The following COL25A1 variants were observed in gnomAD, a reference collection of about 807,000 sequenced individuals.
The protein encoded by COL25A1 is collagen alpha-1(XXV) chain.
A neutral mutation model predicts 128.4 loss-of-function variants in COL25A1; 103 were observed. That is an observed-to-expected ratio of 0.80 (90% CI 0.68 to 0.94). COL25A1 has a LOEUF of 0.94. Among genes scored for constraint, COL25A1 ranks in the 40% least tolerant of loss-of-function variants. COL25A1 has a pLI of 0.00. For missense variants in COL25A1, 745 were observed against 840.0 expected (o/e 0.89, Z 1.40); for synonymous variants, 279 against 277.2 (o/e 1.01, Z -0.06).
At chr4:108,984,468 G>A (rs1327426926) in intron 6 of COL25A1, among the ~76,000 whole-genome samples, 2 of 151,796 alleles carry the variant, frequency 1.3e-5, no homozygotes, top group Non-Finnish European at 2.9e-5. Context: ...GGCTCCCGCC[G>A]CACAGGAGAC....
chr4:108,892,221 G>A (rs1449824355), intron 16 of COL25A1, among the ~76,000 whole-genome samples: 2 of 152,144 alleles, frequency 1.3e-5, no homozygotes, highest in Admixed American at 6.5e-5. Flanking sequence ...AGCTTCATAA[G>A]TCAGTTGGCT....
intron 32 of COL25A1, among the ~76,000 whole-genome samples, chr4:108,828,684 T>G (rs1732680607): frequency 6.6e-6 from 1 of 152,228 alleles, no homozygotes; most frequent in Non-Finnish European, 1.5e-5. Context: ...ATCTCCAAAT[T>G]GAAGTGTTTG....
intron 3 of COL25A1, among the ~76,000 whole-genome samples, chr4:109,236,864 T>C (rs202088841): frequency 6.6e-6 from 1 of 152,164 alleles, no homozygotes; most frequent in South Asian, 2.1e-4. Flanking sequence ...GGAATTGATA[T>C]GCAAAATAGC....
At chr4:108,845,159 A>G (rs748877451) in intron 29 of COL25A1, 30 bp downstream of exon 29, 17 of 1,591,248 alleles carry the variant, frequency 1.1e-5, no homozygotes, top group Non-Finnish European at 1.4e-5. Flanking sequence ...AGGTTCAGGA[A>G]CAATGGAAGT....
intron 3 of COL25A1, among the ~76,000 whole-genome samples, chr4:109,152,468 A>G (rs1215603773): frequency 6.6e-6 from 1 of 152,246 alleles, no homozygotes; most frequent in Non-Finnish European, 1.5e-5. Flanking sequence ...GATAATATTA[A>G]AAATACCAGT....
At chr4:109,201,996 T>G (rs968817460) in intron 3 of COL25A1, among the ~76,000 whole-genome samples, 1 of 152,114 alleles carries the variant, frequency 6.6e-6, no homozygotes, top group Non-Finnish European at 1.5e-5. Context: ...TGGAGAGATA[T>G]TTCATGCTCC....
At chr4:109,105,078 A>T (rs374725569) in intron 3 of COL25A1, among the ~76,000 whole-genome samples, 1 of 152,168 alleles carries the variant, frequency 6.6e-6, no homozygotes, top group African/African-American at 2.4e-5. Context: ...GGGTAGGAAT[A>T]GGTGCCTTAT....
chr4:109,210,459 T>C (rs1485711150), intron 3 of COL25A1, among the ~76,000 whole-genome samples: 5 of 152,184 alleles, frequency 3.3e-5, no homozygotes, highest in African/African-American at 1.2e-4. Flanking sequence ...GAATGCAGTC[T>C]ACCTGTAAGA....
rs757985605 is a variant in COL25A1 at position 108,941,454 on chromosome 4, G to A, written c.493-17C>T. Reference sequence around the variant, plus strand: ...AAACACCATCTGATCAGTCAGTTGAGGTCAAAGGTTGAAGTTCAGAGATGA... The same window carrying A: ...AAACACCATCTGATCAGTCAGTTGAAGTCAAAGGTTGAAGTTCAGAGATGA... On this transcript the variant is annotated splice_polypyrimidine_tract_variant and intron_variant, in intron 8 of 37. Transcript: ENST00000399132. 2 of 1,606,636 alleles carry A rather than the reference G, an allele frequency of 1.2e-6. No homozygotes were observed. The highest frequency in any genetic ancestry group is 1.7e-6 in the Non-Finnish European group (2 of 1,173,330).
In COL25A1 at chr4:109,152,742, C is replaced by T. The variant is rs146594340; in HGVS notation, c.368-102563G>A. Among the ~76,000 whole-genome samples the T allele has an allele frequency of 1.7e-3, 254 of 152,192 alleles. 3 individuals carry two copies. The highest frequency in any genetic ancestry group is 5.6e-3 in the African/African-American group (233 of 41,536). ...AACACAGATGAAACTTAAAGACATA[C>T]GGCTAAGTAAAATAAGCCAATCACA... On this transcript the variant is annotated intron_variant, in intron 3 of 37. Coordinates refer to ENST00000399132, the MANE Select transcript of COL25A1 (RefSeq NM_198721.4).
intron 3 of COL25A1, among the ~76,000 whole-genome samples, chr4:109,283,869 C>A (rs1379466666): frequency 6.6e-6 from 1 of 152,190 alleles, no homozygotes; most frequent in Non-Finnish European, 1.5e-5. Flanking sequence ...CAAACTACTT[C>A]CTTCCAAATA....
intron 3 of COL25A1, among the ~76,000 whole-genome samples, chr4:109,056,638 T>TAA (rs66921470): frequency 0.18 from 26,825 of 148,530 alleles, 2,603 homozygotes; most frequent in African/African-American, 0.26. Context: ...ACAAAAAGAT[T>TAA]AAAAAAAAAA....
chr4:108,956,551 G>A (rs1408540936), intron 8 of COL25A1, among the ~76,000 whole-genome samples: 1 of 152,102 alleles, frequency 6.6e-6, no homozygotes, highest in African/African-American at 2.4e-5. Context: ...GATTACAGGT[G>A]CGTGCCACGG....
In COL25A1 at chr4:109,254,501, A is replaced by G. The variant is rs1251640480; in HGVS notation, c.367+46082T>C. On this transcript the variant is annotated intron_variant, in intron 3 of 37. Coordinates refer to ENST00000399132, the MANE Select transcript of COL25A1 (RefSeq NM_198721.4). ...TATATATATATATATATATATATAT[A>G]TATATGTATGTGTGTATATACATAT... Among the ~76,000 whole-genome samples, 17 of 126,724 alleles carry G rather than the reference A, an allele frequency of 1.3e-4. 1 individual carries two copies. Among genetic ancestry groups the G allele is most frequent in the South Asian group, 5.1e-4 (2 of 3,930 alleles). The allele number at this position is 126,724 out of a possible 152,430, so 83.1% of individuals were successfully genotyped here. A position where few individuals can be genotyped will look rare whatever the true frequency, so the allele number is the denominator to read the frequency against.
At position 108,984,515 on chromosome 4, in the gene COL25A1, G is replaced by C. The variant is rs1331058369; in HGVS notation, c.439-9956C>G. ...CGGGAGGGAGGCTCACGCATGGCGG[G>C]CTGCAGGTCCCGAGCCCTGCCCCGC... On this transcript the variant is annotated intron_variant, in intron 6 of 37. Transcript: ENST00000399132. 2.0e-5 allele frequency among the ~76,000 whole-genome samples: 3 copies of C among 152,210 alleles called. No individual in the cohort carries two copies. In the East Asian group the frequency reaches 5.8e-4, roughly 29 times the overall value.
chr4:109,296,087 ATCC>A (rs1221656113), intron 3 of COL25A1, among the ~76,000 whole-genome samples: 1 of 152,012 alleles, frequency 6.6e-6, no homozygotes, highest in Admixed American at 6.6e-5. Context: ...ATAAGCCATC[ATCC>A]TCCTGTCTAC....
chr4:109,300,723 G>A (rs1035982807), intron 2 of COL25A1, 71 bp from the exon 3 acceptor site: 2 of 1,013,630 alleles, frequency 2.0e-6, no homozygotes, highest in Non-Finnish European at 3.1e-6. Flanking sequence ...AGGGACTCTG[G>A]CCATACGCCT....
At chr4:109,070,726 C>T (rs1762873823) in intron 3 of COL25A1, among the ~76,000 whole-genome samples, 1 of 143,484 alleles carries the variant, frequency 7.0e-6, no homozygotes, top group Admixed American at 7.3e-5. Flanking sequence ...TGATGTTCCC[C>T]TTCCTATGTC....
intron 32 of COL25A1, 27 bp downstream of exon 32, chr4:108,832,353 A>G: frequency 1.3e-6 from 2 of 1,572,210 alleles, no homozygotes; most frequent in Non-Finnish European, 1.7e-6. Context: ...CTTTAGTACA[A>G]GCTTAATAAC....
Sources: allele counts gnomAD v4.1 joint callset (sites outside exome capture counted in the v4.1 genomes callset), GRCh38; gene constraint gnomAD v4.1.1; transcripts MANE v1.5; gene names NCBI Gene and HGNC (gene_info 2026-07-23, HGNC 2026-07-21).